Variants in EPB41L1 observed in about 807,000 individuals in gnomAD.
EPB41L1 encodes erythrocyte membrane protein band 4.1 like 1, also known as band 4.1-like protein 1.
In EPB41L1, 29 loss-of-function variants were observed where a neutral mutation model predicts 97.8. That is an observed-to-expected ratio of 0.30 (90% CI 0.22 to 0.40). EPB41L1 has a LOEUF of 0.40. Ranked by LOEUF, EPB41L1 falls within the 10% of genes least tolerant of loss-of-function variation. The pLI is 1.00. For synonymous variants in EPB41L1, 383 were observed against 459.2 expected (o/e 0.83, Z 2.12); for missense variants, 812 against 1,162.3 (o/e 0.70, Z 4.38).
Position 36,093,118 on chromosome 20 carries a change from T to A in EPB41L1, c.-65+1506T>A, listed in dbSNP as rs1247511708. Reference sequence around the variant, plus strand: ...TGCGTGTGTGCGCCGGGTGTGCATCTGTGTGTGCGTGTGTGAGGGTGTGTG... The same window carrying A: ...TGCGTGTGTGCGCCGGGTGTGCATCAGTGTGTGCGTGTGTGAGGGTGTGTG... On this transcript the variant is annotated intron_variant, in intron 1 of 19. Coordinates refer to the EPB41L1 transcript ENST00000202028. This position sits in a 1 kb window ranked among gnomAD's most constrained non-coding sequence, Gnocchi z 5.4. 3 of 149,886 alleles carry A rather than the reference T, an allele frequency of 2.0e-5. No individual in the cohort carries two copies. Among genetic ancestry groups the A allele is most frequent in the Non-Finnish European group, 4.4e-5 (3 of 67,812 alleles). The allele number at this position is 149,886 out of a possible 1,614,324, so 9.3% of individuals were successfully genotyped here.
chr20:36,111,919 G>A (rs1159463409), intron 1 of EPB41L1, among the ~76,000 whole-genome samples: 1 of 152,142 alleles, frequency 6.6e-6, no homozygotes, highest in African/African-American at 2.4e-5. Flanking sequence ...CATGGCACCT[G>A]AGGAGGCATC....
intron 1 of EPB41L1, among the ~76,000 whole-genome samples, chr20:36,156,336 A>G (rs1268077164): frequency 6.6e-6 from 1 of 152,266 alleles, no homozygotes; most frequent in Non-Finnish European, 1.5e-5. Context: ...TTCCTGGGCT[A>G]TGTGACAGTC....
At chr20:36,189,214 A>G (rs756280623) in intron 9 of EPB41L1, among the ~76,000 whole-genome samples, 4 of 152,092 alleles carry the variant, frequency 2.6e-5, no homozygotes, top group Admixed American at 1.3e-4. Flanking sequence ...GCCTGTGCCT[A>G]TGAGGGCCTT....
At chr20:36,191,655 C>CT (rs1232361105) in intron 11 of EPB41L1, among the ~76,000 whole-genome samples, 2 of 152,180 alleles carry the variant, frequency 1.3e-5, no homozygotes, top group Non-Finnish European at 2.9e-5. Flanking sequence ...TTATGCAGAT[C>CT]TGAGTTCAAA....
At chr20:36,136,253 C>T (rs1049607952) in intron 2 of EPB41L1, among the ~76,000 whole-genome samples, 1 of 152,062 alleles carries the variant, frequency 6.6e-6, no homozygotes, top group Non-Finnish European at 1.5e-5. Context: ...TCACTGCAAC[C>T]TCTGCCTCCC....
intron 2 of EPB41L1, among the ~76,000 whole-genome samples, chr20:36,139,753 C>T (rs958147923): frequency 2.0e-5 from 3 of 148,850 alleles, no homozygotes; most frequent in Admixed American, 6.6e-5. Flanking sequence ...TTTTTTAAGA[C>T]GGAGTTTCAC....
chr20:36,199,301 T>C (rs2062368869), intron 14 of EPB41L1, among the ~76,000 whole-genome samples: 1 of 151,638 alleles, frequency 6.6e-6, no homozygotes. Flanking sequence ...CAGAACCCAA[T>C]TTTCTTGTGA....
intron 14 of EPB41L1, among the ~76,000 whole-genome samples, chr20:36,205,149 C>T (rs576553681): frequency 6.6e-6 from 1 of 152,296 alleles, no homozygotes; most frequent in East Asian, 1.9e-4. Flanking sequence ...GTGGTATCTC[C>T]ATGACTACTA....
chr20:36,211,518 C>T (rs989024391), intron 15 of EPB41L1, among the ~76,000 whole-genome samples: 1 of 152,172 alleles, frequency 6.6e-6, no homozygotes, highest in African/African-American at 2.4e-5. Context: ...CATCTCCTGC[C>T]TGGATGCTGT....
At chr20:36,153,189 G>A, upstream of EPB41L1, 1 of 427,756 alleles carries the variant, frequency 2.3e-6, no homozygotes, top group South Asian at 1.7e-5. Context: ...TGAGGAGAGG[G>A]CATAGCCTCA....
intron 2 of EPB41L1, among the ~76,000 whole-genome samples, chr20:36,142,146 A>G (rs1395159934): frequency 9.9e-5 from 15 of 151,838 alleles, no homozygotes; most frequent in Admixed American, 9.8e-4. Context: ...AGAACAAAAA[A>G]CGTATTTTGT....
At position 36,202,831 on chromosome 20, in the gene EPB41L1, G is replaced by T. The variant is rs184261685; in HGVS notation, c.1668+4790G>T. Among the ~76,000 whole-genome samples the T allele has an allele frequency of 9.8e-3, 1,416 of 144,842 alleles. 27 individuals carry two copies. Among genetic ancestry groups the T allele is most frequent in the African/African-American group, 0.034 (1,348 of 39,258 alleles). ...GTCTCAAAAAAAAAAAAAAAAAAAAGGCAGGCCCCAAAATGTGACCCAGAG... is the reference window on the plus strand; with the variant it reads ...GTCTCAAAAAAAAAAAAAAAAAAAATGCAGGCCCCAAAATGTGACCCAGAG... On this transcript the variant is annotated intron_variant, in intron 14 of 21. Transcript: ENST00000338074.
Position 36,125,759 on chromosome 20 carries a change from G to C in EPB41L1, c.-10+13279G>C, listed in dbSNP as rs367936153. On this transcript the variant is annotated intron_variant, in intron 2 of 19. Transcript: ENST00000202028. ...AAGACACTGCAGGGTATCAGGTTGG[G>C]AATGATGTGATCTGATTTCTGGCAG... Among the ~76,000 whole-genome samples the C allele has an allele frequency of 2.5e-4, 38 of 152,292 alleles. No individual in the cohort carries two copies. In the South Asian group the frequency reaches 7.5e-3, roughly 30 times the overall value.
At chr20:36,128,637 C>T (rs565935736) in intron 2 of EPB41L1, among the ~76,000 whole-genome samples, 1 of 152,306 alleles carries the variant, frequency 6.6e-6, no homozygotes, top group South Asian at 2.1e-4. Context: ...GAGGATGACC[C>T]GTGCATTTGG....
rs1269603009 is a variant in EPB41L1, at chr20:36,188,627, CACACACACACACACAGAGAG to C, written c.1026+130_1026+149del. 2.2e-4 allele frequency: 146 copies of C among 677,824 alleles called. No homozygotes were observed. In the African/African-American group the frequency reaches 3.0e-3, roughly 14 times the overall value. 42.0% of individuals were successfully genotyped at this position (677,824 alleles called of 1,614,324 possible). A position where few individuals can be genotyped will look rare whatever the true frequency, so the allele number is the denominator to read the frequency against. On this transcript the variant is annotated intron_variant, in intron 9 of 21. Transcript: ENST00000338074. ...ACACACACACACACACACACACACA[CACACACACACACACAGAGAG>C]AGAGAGAGAGAGAGAGAGAGAGGAG...
Position 36,232,388 on chromosome 20 carries a change from C to T in EPB41L1, c.*3048C>T, listed in dbSNP as rs1200491826. 1 of 375,392 alleles carries T rather than the reference C, an allele frequency of 2.7e-6. No individual in the cohort carries two copies. Among genetic ancestry groups the T allele is most frequent in the Non-Finnish European group, 4.7e-6 (1 of 211,898 alleles). The allele number at this position is 375,392 out of a possible 1,614,324, so 23.3% of individuals were successfully genotyped here. On this transcript the variant is annotated 3_prime_UTR_variant, in exon 22 of 22. Coordinates refer to ENST00000338074, the MANE Select transcript of EPB41L1 (RefSeq NM_012156.2). ...ACATCAGGCTATCCCCATTCCCCCT[C>T]TTGGGCCTCAGTTTCCCGACTTGCA...
In EPB41L1 at chr20:36,173,834, GCAGCAGCCCGA is replaced by G; in HGVS notation, c.58_68del (p.Gln20GlyfsTer23). 1 of 1,613,752 alleles carries G rather than the reference GCAGCAGCCCGA, an allele frequency of 6.2e-7. No homozygotes were observed. Among genetic ancestry groups the G allele is most frequent in the Non-Finnish European group, 8.5e-7 (1 of 1,179,820 alleles). ...TGAAGAAAGCTCAGGAGGAGGCCCC[GCAGCAGCCCGA>G]GGCTGCTGCCGCTGTGACCACCCCT... On this transcript the variant is annotated frameshift_variant, in exon 2 of 22. Transcript: ENST00000338074. LOFTEE classifies it high-confidence loss of function.
intron 15 of EPB41L1, among the ~76,000 whole-genome samples, chr20:36,210,226 T>TG (rs2063055173): frequency 6.6e-6 from 1 of 152,106 alleles, no homozygotes; most frequent in Non-Finnish European, 1.5e-5. Context: ...TGTGGACTCT[T>TG]GGGGGCTCCT....
Position 36,229,617 on chromosome 20 carries a change from G to T in EPB41L1, c.*277G>T. 3.1e-6 allele frequency: 1 copy of T among 324,574 alleles called. No homozygotes were observed. The highest frequency in any genetic ancestry group is 5.6e-6 in the Non-Finnish European group (1 of 178,644). The allele number at this position is 324,574 out of a possible 1,614,324, so 20.1% of individuals were successfully genotyped here. A position where few individuals can be genotyped will look rare whatever the true frequency, so the allele number is the denominator to read the frequency against. ...TCTGAACACCTACATTTCCTTTGCA[G>T]ACAAATTGAAGAACTGGTGGGATTT... On this transcript the variant is annotated 3_prime_UTR_variant, in exon 22 of 22. Transcript: ENST00000338074.
Sources: gnomAD v4.1 joint callset for allele counts (sites outside exome capture counted in the v4.1 genomes callset) on GRCh38, gnomAD v4.1.1 for gene constraint, Gnocchi (gnomAD v3.1) non-coding constraint, MANE v1.5 for transcripts, NCBI Gene and HGNC (gene_info 2026-07-23, HGNC 2026-07-21) for gene names.